The following HDAC9 variants were observed in gnomAD, a reference collection of about 807,000 sequenced individuals.
HDAC9 encodes the protein histone deacetylase 9.
A neutral mutation model predicts 139.4 loss-of-function variants in HDAC9; 41 were observed. That is an observed-to-expected ratio of 0.29 (90% CI 0.23 to 0.38). HDAC9 has a LOEUF of 0.38. HDAC9 is among the 10% of genes least tolerant of loss of function. HDAC9 has a pLI of 1.00. For missense variants in HDAC9, 1,147 were observed against 1,297.0 expected, an observed-to-expected ratio of 0.88 and a Z score of 1.78; for synonymous variants, 517 against 476.2, an observed-to-expected ratio of 1.09 and a Z score of -1.12.
chr7:18,721,355 A>T (rs935137356), intron 12 of HDAC9, among the ~76,000 whole-genome samples: 5 of 151,952 alleles, frequency 3.3e-5, no homozygotes, highest in African/African-American at 1.2e-4. Context: ...AACATACTTA[A>T]TATGTGATAT....
At chr7:18,849,829 GAAC>G (rs1797153834) in intron 21 of HDAC9, among the ~76,000 whole-genome samples, 6 of 152,142 alleles carry the variant, frequency 3.9e-5, no homozygotes, top group Non-Finnish European at 8.8e-5. Context: ...GGTTAGAAAA[GAAC>G]TTGGCTTTGG....
intron 1 of HDAC9, among the ~76,000 whole-genome samples, chr7:18,336,816 A>G (rs1268303552): frequency 6.6e-6 from 1 of 151,582 alleles, no homozygotes; most frequent in Admixed American, 6.6e-5. Context: ...CATACCATGT[A>G]CTGTCATTAT....
chr7:18,571,740 A>T (rs1824367822), intron 2 of HDAC9, among the ~76,000 whole-genome samples: 1 of 152,104 alleles, frequency 6.6e-6, no homozygotes, highest in African/African-American at 2.4e-5. Context: ...AGGACTGAAA[A>T]GATTAGAGCA....
At chr7:18,262,822 T>C (rs527279363) in intron 2 of HDAC9, among the ~76,000 whole-genome samples, 2 of 152,244 alleles carry the variant, frequency 1.3e-5, no homozygotes, top group African/African-American at 2.4e-5. Context: ...ATTGAGATAA[T>C]ATTAATCACC....
intron 1 of HDAC9, among the ~76,000 whole-genome samples, chr7:18,351,992 G>A (rs118046760): frequency 6.6e-6 from 1 of 152,260 alleles, no homozygotes; most frequent in Non-Finnish European, 1.5e-5. Context: ...AGATCACATA[G>A]CTGTGGAGAA....
At chr7:18,986,928 A>C (rs1785407387) in intron 25 of HDAC9, among the ~76,000 whole-genome samples, 1 of 152,146 alleles carries the variant, frequency 6.6e-6, no homozygotes, top group Non-Finnish European at 1.5e-5. Context: ...GTATCCTGAG[A>C]CTTTGCTGAA....
At chr7:18,558,920 T>C (rs543155890) in intron 2 of HDAC9, among the ~76,000 whole-genome samples, 1 of 152,318 alleles carries the variant, frequency 6.6e-6, no homozygotes, top group South Asian at 2.1e-4. Context: ...TTGTGTTCCA[T>C]AGCTGCTTTG....
chr7:18,386,861 C>T lies in HDAC9; in HGVS notation c.-42+96346C>T, dbSNP rs531190737. ...GAATTTAGTCTGGTCTCTTGGGATACACCACATGGCCAAATTCATTCTCTG... is the reference window on the plus strand; with the variant it reads ...GAATTTAGTCTGGTCTCTTGGGATATACCACATGGCCAAATTCATTCTCTG... On this transcript the variant is annotated intron_variant, in intron 1 of 3. Transcript: ENST00000413509. Among the ~76,000 whole-genome samples, 5 of 152,330 alleles carry T rather than the reference C, an allele frequency of 3.3e-5. No individual in the cohort carries two copies. The East Asian group carries it at 9.6e-4, about 29-fold the overall frequency.
intron 22 of HDAC9, among the ~76,000 whole-genome samples, chr7:18,888,768 G>A (rs1800401721): frequency 6.6e-6 from 1 of 152,176 alleles, no homozygotes; most frequent in Admixed American, 6.5e-5. Flanking sequence ...TGATAGAAGT[G>A]AAAAAGAAAT....
chr7:18,812,142 C>G (rs1361272349), intron 17 of HDAC9, among the ~76,000 whole-genome samples: 1 of 151,688 alleles, frequency 6.6e-6, no homozygotes, highest in Non-Finnish European at 1.5e-5. Flanking sequence ...TTTTCTAAAT[C>G]TATTTTATCT....
intron 14 of HDAC9, among the ~76,000 whole-genome samples, chr7:18,759,009 AAGG>A (rs1789134148): frequency 6.6e-6 from 1 of 152,186 alleles, no homozygotes; most frequent in South Asian, 2.1e-4. Context: ...AAGAAAGAAT[AAGG>A]AGAAGGAGAA....
intron 1 of HDAC9, among the ~76,000 whole-genome samples, chr7:18,409,671 G>C (rs575701049): frequency 2.4e-4 from 37 of 152,178 alleles, no homozygotes; most frequent in Admixed American, 2.3e-3. Flanking sequence ...CCTTTTTCGA[G>C]TCCATGTTTT....
chr7:18,446,876 G>A (rs930767241), intron 1 of HDAC9, among the ~76,000 whole-genome samples: 2 of 152,032 alleles, frequency 1.3e-5, no homozygotes, highest in African/African-American at 4.8e-5. Context: ...AGTGTAACAT[G>A]ATTAATTTTT....
intron 22 of HDAC9, among the ~76,000 whole-genome samples, chr7:18,910,422 A>G (rs1802640720): frequency 6.6e-6 from 1 of 151,868 alleles, no homozygotes; most frequent in Admixed American, 6.6e-5. Flanking sequence ...ACTTTACTGA[A>G]TTTGTCAATT....
intron 2 of HDAC9, among the ~76,000 whole-genome samples, chr7:18,567,060 A>G (rs1032148441): frequency 3.3e-5 from 5 of 152,192 alleles, no homozygotes; most frequent in South Asian, 2.1e-4. Flanking sequence ...TCATTCATGC[A>G]AATAGACATC....
intron 16 of HDAC9, among the ~76,000 whole-genome samples, chr7:18,783,630 C>A (rs182737254): frequency 6.7e-6 from 1 of 150,370 alleles, no homozygotes; most frequent in Non-Finnish European, 1.5e-5. Context: ...GGTTACCACA[C>A]AAGGAATCAA....
At chr7:18,261,372 G>C (rs950020844) in intron 2 of HDAC9, among the ~76,000 whole-genome samples, 11 of 152,104 alleles carry the variant, frequency 7.2e-5, no homozygotes, top group African/African-American at 2.7e-4. Context: ...TGTTATATTG[G>C]AAACTCTATG....
intron 2 of HDAC9, among the ~76,000 whole-genome samples, chr7:18,514,889 G>A (rs1802678914): frequency 6.6e-6 from 1 of 152,160 alleles, no homozygotes; most frequent in African/African-American, 2.4e-5. Context: ...TGAGTTTGAA[G>A]TGAGCTATGA....
chr7:18,467,820 G>A (rs1030714968), intron 1 of HDAC9, among the ~76,000 whole-genome samples: 4 of 151,960 alleles, frequency 2.6e-5, no homozygotes, highest in East Asian at 1.9e-4. Flanking sequence ...TTCCTGTTCC[G>A]GTATTCCATC....
Sources: gnomAD v4.1 joint callset for allele counts (sites outside exome capture counted in the v4.1 genomes callset) on GRCh38, gnomAD v4.1.1 for gene constraint, MANE v1.5 for transcripts, NCBI Gene and HGNC (gene_info 2026-07-23, HGNC 2026-07-21) for gene names.